Variants in IMMP2L observed in about 807,000 individuals in gnomAD.
The protein encoded by IMMP2L is mitochondrial inner membrane protease subunit 2.
A neutral mutation model predicts 19.3 loss-of-function variants in IMMP2L; 18 were observed. The observed-to-expected ratio is 0.93, with a 90% CI of 0.64 to 1.38. The LOEUF (loss-of-function observed/expected upper bound fraction) is 1.38, where lower values mean the gene tolerates loss of function less well. Ranked by LOEUF, IMMP2L falls within the 40% of genes most tolerant of loss-of-function variation. The pLI, the probability that IMMP2L is intolerant of heterozygous loss-of-function variation, is 0.00. For missense variants in IMMP2L, 233 were observed against 218.2 expected (o/e 1.07, Z -0.43); for synonymous variants, 76 against 73.0 (o/e 1.04, Z -0.21).
At chr7:111,458,832 T>C (rs1296078228) in intron 3 of IMMP2L, among the ~76,000 whole-genome samples, 3 of 152,200 alleles carry the variant, frequency 2.0e-5, no homozygotes, top group Admixed American at 6.5e-5. Context: ...GTATTTCCAG[T>C]TTCCTTCAGG....
chr7:111,110,226 T>C (rs1799043390), intron 3 of IMMP2L, among the ~76,000 whole-genome samples: 1 of 152,196 alleles, frequency 6.6e-6, no homozygotes, highest in South Asian at 2.1e-4. Flanking sequence ...ATATTAGACA[T>C]GAAGACATCA....
At chr7:110,776,821 T>A (rs1478117678) in intron 5 of IMMP2L, among the ~76,000 whole-genome samples, 5 of 152,002 alleles carry the variant, frequency 3.3e-5, no homozygotes, top group Non-Finnish European at 7.4e-5. Context: ...TGCCTCAAGT[T>A]GAAAAGACTA....
At position 111,035,246 on chromosome 7, in the gene IMMP2L, G is replaced by A. The variant is rs541284783; in HGVS notation, c.240-71681C>T. 2.0e-4 allele frequency among the ~76,000 whole-genome samples: 30 copies of A among 152,240 alleles called. No individual in the cohort carries two copies. The South Asian group carries it at 5.0e-3, about 25-fold the overall frequency. The stretch of plus-strand genomic sequence containing the variant: ...AATAACACTGGTAAATGGCCAACGT[G>A]TAAAGACAATGACAGAAATAAAAAG... On this transcript the variant is annotated intron_variant, in intron 3 of 5. Coordinates refer to ENST00000405709, the MANE Select transcript of IMMP2L (RefSeq NM_032549.4).
intron 3 of IMMP2L, among the ~76,000 whole-genome samples, chr7:111,186,338 A>G (rs1028903707): frequency 3.3e-5 from 5 of 152,172 alleles, no homozygotes; most frequent in African/African-American, 1.2e-4. Flanking sequence ...CCTTATGTCT[A>G]CTTTGGCCTT....
At chr7:111,316,829 G>A (rs1380588157) in intron 3 of IMMP2L, among the ~76,000 whole-genome samples, 2 of 147,082 alleles carry the variant, frequency 1.4e-5, no homozygotes, top group Non-Finnish European at 3.0e-5. Context: ...AGATATTGTT[G>A]GCTCCTTTTT....
At chr7:111,543,485 G>A (rs1848658639) in intron 1 of IMMP2L, among the ~76,000 whole-genome samples, 1 of 152,076 alleles carries the variant, frequency 6.6e-6, no homozygotes, top group Non-Finnish European at 1.5e-5. Context: ...AAGCCAGCAA[G>A]ACCACTCTTG....
At chr7:111,206,875 T>C (rs1462723287) in intron 3 of IMMP2L, among the ~76,000 whole-genome samples, 1 of 152,124 alleles carries the variant, frequency 6.6e-6, no homozygotes, top group East Asian at 1.9e-4. Flanking sequence ...GGGAGATGAT[T>C]TTCCTTAGGT....
chr7:111,329,602 A>C (rs770886207), intron 3 of IMMP2L, among the ~76,000 whole-genome samples: 7 of 151,918 alleles, frequency 4.6e-5, no homozygotes, highest in Non-Finnish European at 1.0e-4. Flanking sequence ...AGGAGACTTG[A>C]AAACGCACAT....
chr7:110,785,987 C>T (rs958099729), intron 5 of IMMP2L, among the ~76,000 whole-genome samples: 2 of 151,874 alleles, frequency 1.3e-5, no homozygotes, highest in Middle Eastern at 3.4e-3. Context: ...GCAAGCCAGT[C>T]CCAAACCAGG....
chr7:111,113,451 C>T (rs1378256772), intron 3 of IMMP2L, among the ~76,000 whole-genome samples: 1 of 151,866 alleles, frequency 6.6e-6, no homozygotes, highest in Non-Finnish European at 1.5e-5. Context: ...GTAGTGCTTG[C>T]AAGATCAGAA....
intron 1 of IMMP2L, among the ~76,000 whole-genome samples, chr7:111,527,578 T>TTA (rs1161848865): frequency 6.6e-6 from 1 of 152,126 alleles, no homozygotes; most frequent in Non-Finnish European, 1.5e-5. Context: ...TGAGTTGCCT[T>TTA]TATGGTTTGA....
At chr7:110,883,297 G>T (rs1026603962) in intron 5 of IMMP2L, among the ~76,000 whole-genome samples, 3 of 151,996 alleles carry the variant, frequency 2.0e-5, no homozygotes, top group Non-Finnish European at 4.4e-5. Flanking sequence ...ATCACTTTCA[G>T]ACCACCAGTT....
At chr7:110,815,827 T>G (rs1562994478) in intron 5 of IMMP2L, among the ~76,000 whole-genome samples, 1 of 152,174 alleles carries the variant, frequency 6.6e-6, no homozygotes, top group African/African-American at 2.4e-5. Context: ...CTTTATCATT[T>G]TTTATTCCGT....
At chr7:111,301,344 G>C (rs1230825028) in intron 3 of IMMP2L, among the ~76,000 whole-genome samples, 3 of 151,002 alleles carry the variant, frequency 2.0e-5, no homozygotes, top group Non-Finnish European at 4.4e-5. Context: ...TCTAGACACT[G>C]GGGGTTTGTT....
At chr7:110,788,412 C>G (rs1055640897) in intron 5 of IMMP2L, among the ~76,000 whole-genome samples, 2 of 151,818 alleles carry the variant, frequency 1.3e-5, no homozygotes, top group Non-Finnish European at 1.5e-5. Context: ...GAACACCACT[C>G]TCTTAGTAGC....
intron 2 of IMMP2L, among the ~76,000 whole-genome samples, chr7:111,487,799 G>A (rs756809282): frequency 1.3e-5 from 2 of 152,032 alleles, no homozygotes; most frequent in Non-Finnish European, 2.9e-5. Flanking sequence ...AAACTGAAGG[G>A]GGCAAAAGAA....
At chr7:111,537,717 G>A (rs982738828) in intron 1 of IMMP2L, among the ~76,000 whole-genome samples, 3 of 151,338 alleles carry the variant, frequency 2.0e-5, no homozygotes, top group South Asian at 2.1e-4. Context: ...TGTATTTTTT[G>A]TAGAGATGGA....
At chr7:111,388,647 A>C (rs1356113895) in intron 3 of IMMP2L, among the ~76,000 whole-genome samples, 1 of 152,104 alleles carries the variant, frequency 6.6e-6, no homozygotes, top group Non-Finnish European at 1.5e-5. Flanking sequence ...GGAAGCGAAA[A>C]GTACTTCTTA....
chr7:111,057,504 G>T (rs548543734), intron 3 of IMMP2L, among the ~76,000 whole-genome samples: 1 of 152,026 alleles, frequency 6.6e-6, no homozygotes, highest in South Asian at 2.1e-4. Context: ...TTATCCCTTG[G>T]TTAATATGCC....
Sources: allele counts gnomAD v4.1 joint callset (sites outside exome capture counted in the v4.1 genomes callset), GRCh38; gene constraint gnomAD v4.1.1; transcripts MANE v1.5; gene names NCBI Gene and HGNC (gene_info 2026-07-23, HGNC 2026-07-21).